The following IRAG1 variants were observed in gnomAD, a reference collection of about 807,000 sequenced individuals.
The protein encoded by IRAG1 is IP3R-associated cGMP kinase substrate.
A neutral mutation model predicts 106.2 loss-of-function variants in IRAG1; 62 were observed. The ratio of observed to expected loss-of-function variants is 0.58; its 90% confidence interval spans 0.48 to 0.72. The LOEUF is 0.72. Ranked by LOEUF, IRAG1 falls within the 30% of genes least tolerant of loss-of-function variation. The pLI is 0.00. For synonymous variants in IRAG1, 462 were observed against 443.9 expected, an observed-to-expected ratio of 1.04 and a Z score of -0.51; for missense variants, 1,064 against 1,140.7, an observed-to-expected ratio of 0.93 and a Z score of 0.97.
chr11:10,661,971 T>G (rs1409493015), intron 1 of IRAG1, among the ~76,000 whole-genome samples: 2 of 152,228 alleles, frequency 1.3e-5, no homozygotes, highest in African/African-American at 4.8e-5. Context: ...CTCTGCCTTA[T>G]TCATAGCTTT....
intron 1 of IRAG1, among the ~76,000 whole-genome samples, chr11:10,660,585 T>C (rs1004526029): frequency 1.3e-5 from 2 of 152,206 alleles, no homozygotes; most frequent in Admixed American, 1.3e-4. Context: ...GGCTCCCTGA[T>C]TCTTGCTCCT....
At chr11:10,614,445 A>G (rs540700137) in intron 10 of IRAG1, among the ~76,000 whole-genome samples, 1 of 152,368 alleles carries the variant, frequency 6.6e-6, no homozygotes, top group South Asian at 2.1e-4. Flanking sequence ...AAAATACTTT[A>G]AAGTTCATGT....
chr11:10,599,455 A>C (rs1853713492), intron 15 of IRAG1, among the ~76,000 whole-genome samples: 1 of 152,174 alleles, frequency 6.6e-6, no homozygotes, highest in Non-Finnish European at 1.5e-5. Flanking sequence ...TCAGCTTCCA[A>C]CACTGACGGA....
chr11:10,628,104 C>CAATCTCA lies in IRAG1; in HGVS notation c.653-80_653-79insTGAGATT. On this transcript the variant is annotated intron_variant, in intron 6 of 20. Coordinates refer to ENST00000423302, the MANE Select transcript of IRAG1 (RefSeq NM_130385.4). This position sits in a 1 kb window ranked among gnomAD's most constrained non-coding sequence, Gnocchi z 4.1. ...GTGCTTTCAGCCACATCTCCCTCCC[C>CAATCTCA]GGGCTATCCTCCCTTTGCAATCTCA... The CAATCTCA allele has an allele frequency of 6.8e-7, 1 of 1,481,444 alleles. No individual in the cohort carries two copies. Among genetic ancestry groups the CAATCTCA allele is most frequent in the South Asian group, 1.2e-5 (1 of 85,290 alleles). The allele number at this position is 1,481,444 out of a possible 1,614,324, so 91.8% of individuals were successfully genotyped here.
At chr11:10,615,286 G>A (rs1822556073) in intron 10 of IRAG1, among the ~76,000 whole-genome samples, 1 of 152,128 alleles carries the variant, frequency 6.6e-6, no homozygotes, top group African/African-American at 2.4e-5. Context: ...GAAACAACAG[G>A]TGCTGGAGAG....
At position 10,665,291 on chromosome 11, in the gene IRAG1, C is replaced by T. The variant is rs1282493268; in HGVS notation, c.68-13109G>A. On this transcript the variant is annotated intron_variant, in intron 1 of 20. Coordinates refer to ENST00000423302, the MANE Select transcript of IRAG1 (RefSeq NM_130385.4). This position sits in a 1 kb window ranked among gnomAD's most constrained non-coding sequence, Gnocchi z 4.2. Reference sequence around the variant, plus strand: ...TCCCTGCTACCATTGGTGGGCCCAGCATCTGGCCAGAAACCCCAGCCCAAA... The same window carrying T: ...TCCCTGCTACCATTGGTGGGCCCAGTATCTGGCCAGAAACCCCAGCCCAAA... Among the ~76,000 whole-genome samples, 2 of 152,180 alleles carry T rather than the reference C, an allele frequency of 1.3e-5. No homozygotes were observed. Among genetic ancestry groups the T allele is most frequent in the Non-Finnish European group, 1.5e-5 (1 of 68,028 alleles).
Position 10,663,513 on chromosome 11 carries a change from T to C in IRAG1, c.68-11331A>G, listed in dbSNP as rs549513612. On this transcript the variant is annotated intron_variant, in intron 1 of 20. Transcript: ENST00000423302. The stretch of plus-strand genomic sequence containing the variant: ...TGAGTGCTTCCTATGTGTTAGGTAC[T>C]GTGCTGGGCACTGGGGCTCTGGGGT... Among the ~76,000 whole-genome samples, 3 of 152,334 alleles carry C rather than the reference T, an allele frequency of 2.0e-5. No homozygotes were observed. The East Asian group carries it at 5.8e-4, about 29-fold the overall frequency.
intron 18 of IRAG1, among the ~76,000 whole-genome samples, chr11:10,582,600 G>T (rs1851506461): frequency 6.6e-6 from 1 of 152,184 alleles, no homozygotes; most frequent in Non-Finnish European, 1.5e-5. Context: ...GTTAGAAAAG[G>T]CCTCTCTGAG....
intron 1 of IRAG1, among the ~76,000 whole-genome samples, chr11:10,681,337 TA>T (rs1564943404): frequency 6.6e-6 from 1 of 152,188 alleles, no homozygotes; most frequent in Non-Finnish European, 1.5e-5. Context: ...GCCTTGTTAA[TA>T]AAAAAGAGAA....
chr11:10,608,699 T>G lies in IRAG1; in HGVS notation c.1571+1029A>C, dbSNP rs566201464. On this transcript the variant is annotated intron_variant, in intron 11 of 20. Coordinates refer to ENST00000423302, the MANE Select transcript of IRAG1 (RefSeq NM_130385.4). The stretch of plus-strand genomic sequence containing the variant: ...ATTTTGAAAAATTGGTTATTTATCT[T>G]TTTATTGAGTGTAAGCCTTCTTTAT... Among the ~76,000 whole-genome samples, 282 of 152,342 alleles carry G rather than the reference T, an allele frequency of 1.9e-3. 2 individuals are homozygous for G. Among genetic ancestry groups the G allele is most frequent in the Non-Finnish European group, 3.2e-3 (221 of 68,032 alleles).
At chr11:10,577,761 T>C (rs1850972554) in intron 20 of IRAG1, among the ~76,000 whole-genome samples, 1 of 152,216 alleles carries the variant, frequency 6.6e-6, no homozygotes, top group Admixed American at 6.5e-5. Context: ...ATGCTCAGAA[T>C]GCCTGCCTTG....
chr11:10,680,344 G>GGAAAGAAAGAAAGAAAGAAGGAAAGAAA (rs1861073159), intron 1 of IRAG1, among the ~76,000 whole-genome samples: 2 of 67,970 alleles, frequency 2.9e-5, no homozygotes, highest in Non-Finnish European at 5.0e-5. Context: ...AAGGAAGGAA[G>GGAAAGAAAGAAAGAAAGAAGGAAAGAAA]GAAAGAAAGA....
chr11:10,577,399 T>C (rs1237832727), intron 20 of IRAG1, among the ~76,000 whole-genome samples: 5 of 152,158 alleles, frequency 3.3e-5, no homozygotes, highest in Admixed American at 3.3e-4. Flanking sequence ...CCTCTCTCTC[T>C]CTCTGTGGTG....
intron 1 of IRAG1, among the ~76,000 whole-genome samples, chr11:10,688,780 C>G (rs1335507553): frequency 6.6e-6 from 1 of 152,182 alleles, no homozygotes; most frequent in Non-Finnish European, 1.5e-5. Context: ...TTTTCCCATG[C>G]CTGTGTTTTA....
intron 11 of IRAG1, among the ~76,000 whole-genome samples, chr11:10,607,284 CTG>C (rs1227695761): frequency 6.6e-6 from 1 of 152,200 alleles, no homozygotes; most frequent in Non-Finnish European, 1.5e-5. Context: ...TCACCCTCCT[CTG>C]TCTCTGAGGG....
intron 20 of IRAG1, among the ~76,000 whole-genome samples, chr11:10,579,362 T>A (rs553646240): frequency 3.2e-4 from 49 of 152,318 alleles, no homozygotes; most frequent in African/African-American, 1.2e-3. Flanking sequence ...CACAGATACA[T>A]ACCCAGATTA....
At chr11:10,585,236 G>A (rs1340801116) in intron 18 of IRAG1, among the ~76,000 whole-genome samples, 1 of 152,132 alleles carries the variant, frequency 6.6e-6, no homozygotes, top group Non-Finnish European at 1.5e-5. Context: ...TTCCCTAGCA[G>A]GGCCAGGAAG....
chr11:10,664,048 G>A (rs1183821680), intron 1 of IRAG1, among the ~76,000 whole-genome samples: 2 of 152,148 alleles, frequency 1.3e-5, no homozygotes, highest in Non-Finnish European at 2.9e-5. Flanking sequence ...CAGAACAAGG[G>A]TATTAGGAGA....
At chr11:10,626,918 G>C (rs1038740539) in intron 8 of IRAG1, among the ~76,000 whole-genome samples, 1 of 152,188 alleles carries the variant, frequency 6.6e-6, no homozygotes, top group Admixed American at 6.5e-5. Flanking sequence ...AACTCTTAGG[G>C]ACCCAGGTTT....
Sources: allele counts gnomAD v4.1 joint callset (sites outside exome capture counted in the v4.1 genomes callset), GRCh38; gene constraint gnomAD v4.1.1; non-coding constraint Gnocchi (gnomAD v3.1); transcripts MANE v1.5; gene names NCBI Gene and HGNC (gene_info 2026-07-23, HGNC 2026-07-21).